Variants in PARVB observed in about 807,000 individuals in gnomAD.
The protein encoded by PARVB is beta-parvin.
A neutral mutation model predicts 47.0 loss-of-function variants in PARVB; 46 were observed. That is an observed-to-expected ratio of 0.98 (90% CI 0.77 to 1.25). PARVB has a LOEUF of 1.25. Ranked by LOEUF, PARVB falls within the 50% of genes most tolerant of loss-of-function variation. The probability of loss-of-function intolerance (pLI) is 0.00; values close to 1 mark genes in which losing one functional copy is unlikely to be tolerated. For synonymous variants in PARVB, 196 were observed against 196.3 expected, an observed-to-expected ratio of 1.00 and a Z score of 0.01; for missense variants, 473 against 471.6, an observed-to-expected ratio of 1.00 and a Z score of -0.03.
intron 3 of PARVB, among the ~76,000 whole-genome samples, chr22:44,116,858 C>T (rs987789259): frequency 2.2e-4 from 33 of 152,064 alleles, no homozygotes; most frequent in Non-Finnish European, 4.6e-4. Flanking sequence ...GCAGAGGCCC[C>T]GTGGCGCAGA....
chr22:44,069,059 C>T (rs1601554801), intron 1 of PARVB: 2 of 1,543,736 alleles, frequency 1.3e-6, no homozygotes, highest in Admixed American at 3.5e-5. Context: ...ATAGTGGCGC[C>T]CCTGCCACGT....
rs186221831 is a variant in PARVB at position 44,071,411 on chromosome 22, G to C, written c.113-22517G>C. On this transcript the variant is annotated intron_variant, in intron 1 of 12. Transcript: ENST00000338758. ...TAAAATGCAAACGAATTGAAAAGCT[G>C]TGCTGAATGTGTTTTTCTCTGTCTG... is the stretch of plus-strand genomic sequence containing the variant. 1.5e-3 allele frequency among the ~76,000 whole-genome samples: 226 copies of C among 152,312 alleles called. 1 individual carries two copies. The highest frequency in any genetic ancestry group is 3.2e-4 in the Non-Finnish European group (22 of 68,036).
intron 2 of PARVB, among the ~76,000 whole-genome samples, chr22:44,004,735 A>G (rs2146844570): frequency 6.6e-6 from 1 of 152,346 alleles, no homozygotes; most frequent in South Asian, 2.1e-4. Flanking sequence ...TGTCCGGCTG[A>G]GCTGGTGATC....
intron 2 of PARVB, among the ~76,000 whole-genome samples, chr22:44,005,799 C>G (rs759563270): frequency 1.2e-4 from 19 of 152,210 alleles, no homozygotes; most frequent in Non-Finnish European, 2.4e-4. Context: ...AAGTAACAAC[C>G]TAGAGGGTAT....
chr22:44,147,441 G>A (rs1483799749), intron 8 of PARVB: 2 of 356,012 alleles, frequency 5.6e-6, no homozygotes, highest in Admixed American at 7.4e-5. Context: ...GCGTGAGCAG[G>A]ACATGGCCAC....
chr22:44,158,666 C>T (rs934297814), intron 11 of PARVB, among the ~76,000 whole-genome samples: 7 of 152,146 alleles, frequency 4.6e-5, no homozygotes, highest in Admixed American at 2.0e-4. Context: ...TGGGCTGGCC[C>T]ACGCCACCCG....
chr22:44,061,323 C>T (rs1465642485), intron 1 of PARVB, among the ~76,000 whole-genome samples: 2 of 152,020 alleles, frequency 1.3e-5, no homozygotes, highest in African/African-American at 4.8e-5. Flanking sequence ...CCCACCTATT[C>T]AGGAGGCTGA....
rs770553444 is a variant in PARVB, at chr22:44,119,170, C to T, written c.376+30C>T. The T allele has an allele frequency of 1.1e-5, 16 of 1,463,458 alleles. No homozygotes were observed. The East Asian group carries it at 2.0e-4, about 19-fold the overall frequency. The allele number at this position is 1,463,458 out of a possible 1,614,324, so 90.7% of individuals were successfully genotyped here. A position where few individuals can be genotyped will look rare whatever the true frequency, so the allele number is the denominator to read the frequency against. On this transcript the variant is annotated intron_variant, in intron 4 of 12. Coordinates refer to ENST00000338758, the MANE Select transcript of PARVB (RefSeq NM_013327.5). ...GTTCACAGCAGGGACAGCTCTGTCCCACCCCCATCTCCCTGCAGCGGCCCT... is the reference window on the plus strand; with the variant it reads ...GTTCACAGCAGGGACAGCTCTGTCCTACCCCCATCTCCCTGCAGCGGCCCT...
At chr22:44,002,385 A>G (rs2050421799) in intron 2 of PARVB, among the ~76,000 whole-genome samples, 1 of 152,160 alleles carries the variant, frequency 6.6e-6, no homozygotes, top group Non-Finnish European at 1.5e-5. Flanking sequence ...TTATTTTCAG[A>G]TGTAAATCAT....
chr22:44,140,480 G>A, intron 8 of PARVB: 1 of 635,780 alleles, frequency 1.6e-6, no homozygotes. Flanking sequence ...GGAGGGAGGA[G>A]AGGCAGCCAG....
intron 8 of PARVB, chr22:44,143,226 C>T (rs73424459): frequency 4.5e-4 from 68 of 152,640 alleles, no homozygotes; most frequent in African/African-American, 1.6e-3. Flanking sequence ...TGTGACACAC[C>T]AAGCAGCACT....
In PARVB at chr22:44,147,851, A is replaced by C; in HGVS notation, c.713-10A>C. 6.2e-7 allele frequency: 1 copy of C among 1,613,562 alleles called. No homozygotes were observed. The highest frequency in any genetic ancestry group is 8.5e-7 in the Non-Finnish European group (1 of 1,179,544). ...AACGCTCCTTCGTGTCTCTCTTTGC[A>C]TGTCCTCAGAGCGGGATGCCTTCGA... On this transcript the variant is annotated splice_polypyrimidine_tract_variant and intron_variant, in intron 8 of 12. Transcript: ENST00000338758.
chr22:44,141,967 C>T (rs762975406), intron 8 of PARVB: 16 of 152,182 alleles, frequency 1.1e-4, no homozygotes, highest in Admixed American at 1.3e-4. Context: ...GGCGTCTCCC[C>T]ACCCTGCGTC....
At chr22:44,121,697 T>C (rs2053051852) in intron 4 of PARVB, among the ~76,000 whole-genome samples, 3 of 152,190 alleles carry the variant, frequency 2.0e-5, no homozygotes, top group Admixed American at 2.0e-4. Context: ...TCATTGCTTC[T>C]AGTCTCTTTA....
intron 1 of PARVB, among the ~76,000 whole-genome samples, chr22:44,055,469 A>G (rs1462997793): frequency 6.6e-6 from 1 of 151,564 alleles, no homozygotes; most frequent in Non-Finnish European, 1.5e-5. Context: ...CCAGTAGCTG[A>G]GATTACAGGC....
intron 1 of PARVB, among the ~76,000 whole-genome samples, chr22:44,070,037 C>T (rs1409647507): frequency 6.6e-6 from 1 of 152,208 alleles, no homozygotes; most frequent in Non-Finnish European, 1.5e-5. Context: ...GGCCAGGCTG[C>T]CCTATGTTCG....
chr22:44,046,688 A>G (rs550617070), intron 1 of PARVB, among the ~76,000 whole-genome samples: 1 of 152,330 alleles, frequency 6.6e-6, no homozygotes, highest in African/African-American at 2.4e-5. Context: ...TATTACTTTC[A>G]TAGTGTTGGC....
chr22:44,126,789 C>T lies in PARVB; in HGVS notation c.377-4698C>T, dbSNP rs143437358. On this transcript the variant is annotated intron_variant, in intron 4 of 12. Transcript: ENST00000338758. ...TTTATTTCTGATTCTTTTGCCTGCACCTGTGGCTTCTCCCACCCAATGACT... is the reference window on the plus strand; with the variant it reads ...TTTATTTCTGATTCTTTTGCCTGCATCTGTGGCTTCTCCCACCCAATGACT... Among the ~76,000 whole-genome samples, 922 of 152,282 alleles carry T rather than the reference C, an allele frequency of 6.1e-3. 10 individuals carry two copies. Among genetic ancestry groups the T allele is most frequent in the South Asian group, 0.021 (103 of 4,822 alleles).
intron 1 of PARVB, among the ~76,000 whole-genome samples, chr22:44,069,313 G>C (rs1032797070): frequency 1.4e-4 from 22 of 152,186 alleles, no homozygotes; most frequent in African/African-American, 5.1e-4. Context: ...GGGGACGTTG[G>C]TGTTAGGACG....
Sources: gnomAD v4.1 joint callset for allele counts (sites outside exome capture counted in the v4.1 genomes callset) on GRCh38, gnomAD v4.1.1 for gene constraint, MANE v1.5 for transcripts, NCBI Gene and HGNC (gene_info 2026-07-23, HGNC 2026-07-21) for gene names.